Variants in ANKHD1 observed in about 807,000 individuals in gnomAD.
ANKHD1 encodes ankyrin repeat and KH domain-containing protein 1.
A neutral mutation model predicts 230.5 loss-of-function variants in ANKHD1; 31 were observed. That is an observed-to-expected ratio of 0.13 (90% CI 0.10 to 0.18). ANKHD1 has a LOEUF of 0.18. Among genes scored for constraint, ANKHD1 ranks in the 10% least tolerant of loss-of-function variants. ANKHD1 has a pLI of 1.00. For synonymous variants in ANKHD1, 1,074 were observed against 1,117.6 expected (o/e 0.96, Z 0.78); for missense variants, 2,256 against 3,071.3 (o/e 0.73, Z 6.27).
chr5:140,496,438 GTTTTCTTTTTTTTTTTTCTTTTC>G, intron 14 of ANKHD1, 59 bp from the exon 15 acceptor site: 2 of 1,159,168 alleles, frequency 1.7e-6, no homozygotes, highest in Non-Finnish European at 2.3e-6. Context: ...GGGGAGGCTG[GTTTTCTTTTTTTTTTTTCTTTTC>G]TTTTTTTTTT....
chr5:140,445,722 TTTC>T lies in ANKHD1; in HGVS notation c.914-8_914-6del, dbSNP rs776575315. The T allele has an allele frequency of 2.5e-4, 386 of 1,551,110 alleles. No individual in the cohort carries two copies. The highest frequency in any genetic ancestry group is 4.8e-4 in the Admixed American group (26 of 53,900). ...ATATATATTCTGCTCATGTATTATATTTCTTCTTCTTCTTTTTAGGAAACACTG... is the reference window on the plus strand; with the variant it reads ...ATATATATTCTGCTCATGTATTATATTTCTTCTTCTTTTTAGGAAACACTG... On this transcript the variant is annotated splice_polypyrimidine_tract_variant and intron_variant, in intron 5 of 33. Transcript: ENST00000360839.
intron 10 of ANKHD1, among the ~76,000 whole-genome samples, chr5:140,472,750 T>A (rs1776576696): frequency 6.6e-6 from 1 of 152,170 alleles, no homozygotes; most frequent in South Asian, 2.1e-4. Flanking sequence ...CTATATAGTT[T>A]ATGCCCTAAT....
chr5:140,478,816 G>A (rs965351343), intron 10 of ANKHD1, among the ~76,000 whole-genome samples: 2 of 151,168 alleles, frequency 1.3e-5, no homozygotes, highest in African/African-American at 2.4e-5. Flanking sequence ...AGCTAATTTT[G>A]TATTTTTAGT....
intron 11 of ANKHD1, among the ~76,000 whole-genome samples, chr5:140,483,721 G>A (rs1323032519): frequency 6.6e-6 from 1 of 152,024 alleles, no homozygotes; most frequent in Non-Finnish European, 1.5e-5. Flanking sequence ...GCCTCCCAAA[G>A]TGCTGGGATT....
chr5:140,427,481 TCCC>T (rs1772579420), intron 1 of ANKHD1, among the ~76,000 whole-genome samples: 1 of 115,934 alleles, frequency 8.6e-6, no homozygotes, highest in South Asian at 3.1e-4. Context: ...GCTCCTCACT[TCCC>T]AGTAGGGGCG....
chr5:140,496,443 CTTTTTTTTTTTTCTTTTCTTTTTTT>C, intron 14 of ANKHD1, 52 bp from the exon 15 acceptor site: 1 of 718,956 alleles, frequency 1.4e-6, no homozygotes, highest in East Asian at 5.6e-5. Flanking sequence ...GGCTGGTTTT[CTTTTTTTTTTTTCTTTTCTTTTTTT>C]TTTTTTTTTT....
At chr5:140,535,686 C>G in intron 30 of ANKHD1, 148 bp downstream of exon 30, 1 of 1,158,952 alleles carries the variant, frequency 8.6e-7, no homozygotes, top group Non-Finnish European at 1.1e-6. Context: ...AAAAAATTGT[C>G]AGTCATTTTT....
At chr5:140,497,736 A>G (rs1752094582) in intron 15 of ANKHD1, among the ~76,000 whole-genome samples, 1 of 152,180 alleles carries the variant, frequency 6.6e-6, no homozygotes, top group Non-Finnish European at 1.5e-5. Context: ...ATTAAATGGG[A>G]TGTTCAGATA....
intron 1 of ANKHD1, among the ~76,000 whole-genome samples, chr5:140,433,648 T>C (rs1326093131): frequency 6.6e-6 from 1 of 152,064 alleles, no homozygotes; most frequent in Non-Finnish European, 1.5e-5. Flanking sequence ...ATTATCATAG[T>C]GAGAGAGAGA....
In ANKHD1 at chr5:140,406,094, C is replaced by T. The variant is rs142379439; in HGVS notation, c.306+3821C>T. Among the ~76,000 whole-genome samples, 293 of 152,020 alleles carry T rather than the reference C, an allele frequency of 1.9e-3. 3 individuals are homozygous for T. In the East Asian group the frequency reaches 0.025, roughly 13 times the overall value. ...GTCTCTATTAAAACAAAAAATTAGC[C>T]GGGCTTGGTGGAGGGCGCCTGTAAT... On this transcript the variant is annotated intron_variant, in intron 1 of 33. Transcript: ENST00000360839.
At chr5:140,497,345 C>T (rs1752079093) in intron 15 of ANKHD1, 67 bp downstream of exon 15, 1 of 1,506,950 alleles carries the variant, frequency 6.6e-7, no homozygotes, top group Admixed American at 2.2e-5. Context: ...TTATATACCC[C>T]TCCAAAAACG....
intron 15 of ANKHD1, among the ~76,000 whole-genome samples, chr5:140,501,042 A>G (rs956083582): frequency 1.3e-5 from 2 of 151,928 alleles, no homozygotes; most frequent in Admixed American, 6.6e-5. Context: ...GAGATTTGCA[A>G]TAAAATCTTT....
chr5:140,523,940 G>T, intron 24 of ANKHD1, 126 bp from the exon 25 acceptor site: 1 of 1,226,064 alleles, frequency 8.2e-7, no homozygotes, highest in African/African-American at 1.6e-5. Context: ...TTTTCTTGTT[G>T]GCATTTATAA....
intron 1 of ANKHD1, among the ~76,000 whole-genome samples, chr5:140,403,605 G>C (rs1056068771): frequency 3.3e-5 from 5 of 152,106 alleles, no homozygotes; most frequent in African/African-American, 1.2e-4. Flanking sequence ...GTAAAGACAG[G>C]GTTTCACCAT....
intron 1 of ANKHD1, among the ~76,000 whole-genome samples, chr5:140,426,150 GAC>G (rs535196929): frequency 6.6e-6 from 1 of 152,060 alleles, no homozygotes; most frequent in South Asian, 2.1e-4. Context: ...CTTTTTTTGG[GAC>G]AGAGTCTCGC....
chr5:140,529,160 CCT>C lies in ANKHD1; in HGVS notation c.6215_6216del (p.Pro2072HisfsTer4). The C allele has an allele frequency of 6.2e-7, 1 of 1,614,206 alleles. No homozygotes were observed. The highest frequency in any genetic ancestry group is 2.2e-5 in the East Asian group (1 of 44,892). On this transcript the variant is annotated frameshift_variant, in exon 29 of 34. Transcript: ENST00000360839. LOFTEE classifies it high-confidence loss of function. The stretch of plus-strand genomic sequence containing the variant: ...AACTCACCCATCCAGTAGTCCCACT[CCT>C]ACTTCCAGTAACACACAAGAGGAGG... ...PETHPSSSPT[P>X]TSSNTQEEAQ... is the part of the protein sequence containing the mutation.
chr5:140,490,041 T>A (rs1751700394), intron 14 of ANKHD1, among the ~76,000 whole-genome samples: 2 of 152,346 alleles, frequency 1.3e-5, no homozygotes, highest in East Asian at 1.9e-4. Flanking sequence ...ACTTTTTTTT[T>A]ATACTTAAAG....
intron 5 of ANKHD1, among the ~76,000 whole-genome samples, chr5:140,444,560 T>C (rs1774126764): frequency 6.6e-6 from 1 of 152,168 alleles, no homozygotes. Context: ...TTAATGCATT[T>C]TGTTTGATGC....
intron 31 of ANKHD1, 76 bp downstream of exon 31, chr5:140,537,665 A>T (rs1400789531): frequency 2.7e-6 from 4 of 1,463,246 alleles, no homozygotes; most frequent in Non-Finnish European, 3.6e-6. Flanking sequence ...TTAGTTCCTT[A>T]GAAAAAACAA....
Sources: gnomAD v4.1 joint callset for allele counts (sites outside exome capture counted in the v4.1 genomes callset) on GRCh38, gnomAD v4.1.1 for gene constraint, MANE v1.5 for transcripts, NCBI Gene and HGNC (gene_info 2026-07-23, HGNC 2026-07-21) for gene names.